RBFOX1: variants seen among roughly 807,000 people sequenced by gnomAD.
The protein encoded by RBFOX1 is RNA binding protein fox-1 homolog 1.
RBFOX1 carries 8 observed loss-of-function variants against 57.7 expected under a neutral mutation model. The ratio of observed to expected loss-of-function variants is 0.14; its 90% CI spans 0.08 to 0.25. The LOEUF is 0.25. Among genes scored for constraint, RBFOX1 ranks in the 10% least tolerant of loss-of-function variants. RBFOX1 has a pLI of 1.00. For missense variants in RBFOX1, 611 were observed against 548.5 expected (o/e 1.11, Z -1.14); for synonymous variants, 326 against 222.4 (o/e 1.47, Z -4.15).
chr16:6,480,535 A>C (rs73524640), intron 2 of RBFOX1, among the ~76,000 whole-genome samples: 3,777 of 152,332 alleles, frequency 0.025, 127 homozygotes, highest in African/African-American at 0.075. Flanking sequence ...TTAAAGTATC[A>C]AAACCATTTT....
chr16:7,111,252 C>A (rs1384523417), intron 4 of RBFOX1, among the ~76,000 whole-genome samples: 1 of 152,156 alleles, frequency 6.6e-6, no homozygotes, highest in Non-Finnish European at 1.5e-5. Flanking sequence ...AATTAACTTA[C>A]ACCGTAAAAG....
At chr16:7,509,294 G>C (rs1342506863) in intron 4 of RBFOX1, among the ~76,000 whole-genome samples, 1 of 152,088 alleles carries the variant, frequency 6.6e-6, no homozygotes, top group East Asian at 1.9e-4. Flanking sequence ...TGACTGTAAG[G>C]TCTATAGGGA....
chr16:6,992,375 G>A (rs556138697), intron 3 of RBFOX1, among the ~76,000 whole-genome samples: 5 of 152,030 alleles, frequency 3.3e-5, no homozygotes, highest in African/African-American at 1.2e-4. Flanking sequence ...CCACCACCAT[G>A]CCCAGCTAAT....
intron 1 of RBFOX1, among the ~76,000 whole-genome samples, chr16:5,455,346 T>G (rs948837818): frequency 1.3e-5 from 2 of 152,090 alleles, no homozygotes; most frequent in African/African-American, 4.8e-5. Context: ...ATATGGCTTT[T>G]TATGATATGG....
intron 3 of RBFOX1, among the ~76,000 whole-genome samples, chr16:6,960,993 AAT>A (rs1468110706): frequency 0.33 from 23,789 of 71,122 alleles, 2,728 homozygotes; most frequent in Non-Finnish European, 0.41. Flanking sequence ...AAAAAAAAAA[AAT>A]TAGCTGGGCA....
At chr16:5,378,404 G>T (rs528743652) in intron 1 of RBFOX1, among the ~76,000 whole-genome samples, 1 of 151,580 alleles carries the variant, frequency 6.6e-6, no homozygotes, top group South Asian at 2.1e-4. Context: ...GCCCGCCCAG[G>T]ATCGGGGAGT....
At chr16:5,871,086 T>C (rs868631210) in intron 4 of RBFOX1, among the ~76,000 whole-genome samples, 2 of 152,182 alleles carry the variant, frequency 1.3e-5, no homozygotes, top group Non-Finnish European at 2.9e-5. Flanking sequence ...CAGCAAGCTG[T>C]TTGTGCCAAT....
At chr16:5,651,166 C>A (rs1383714134) in intron 3 of RBFOX1, among the ~76,000 whole-genome samples, 2 of 148,782 alleles carry the variant, frequency 1.3e-5, no homozygotes, top group Non-Finnish European at 3.0e-5. Flanking sequence ...GATTCTCCTG[C>A]TTCAGCCTCC....
At chr16:5,566,810 A>G (rs934568565) in intron 2 of RBFOX1, among the ~76,000 whole-genome samples, 24 of 152,096 alleles carry the variant, frequency 1.6e-4, no homozygotes, top group Admixed American at 1.4e-3. Context: ...GAGACAATTC[A>G]CCTACAGACA....
Position 7,710,928 on chromosome 16 carries a change from A to G in RBFOX1, c.*183A>G. The G allele has an allele frequency of 1.4e-6, 1 of 710,252 alleles. No individual in the cohort carries two copies. Among genetic ancestry groups the G allele is most frequent in the East Asian group, 3.4e-5 (1 of 29,436 alleles). 44.0% of individuals were successfully genotyped at this position (710,252 alleles called of 1,614,324 possible). On this transcript the variant is annotated 3_prime_UTR_variant, in exon 16 of 16. Transcript: ENST00000550418. ...CAGATATTTTGTTCTGTGTATTTTA[A>G]TATTGTGGGTCTTTAATTTCTGAAG...
At chr16:6,175,473 T>C (rs573299809) in intron 1 of RBFOX1, among the ~76,000 whole-genome samples, 93 of 151,948 alleles carry the variant, frequency 6.1e-4, no homozygotes, top group African/African-American at 2.1e-3. Flanking sequence ...TGGTCCCAGA[T>C]GTGTTTGACC....
At chr16:6,978,393 A>T (rs546466612) in intron 3 of RBFOX1, among the ~76,000 whole-genome samples, 1 of 152,218 alleles carries the variant, frequency 6.6e-6, no homozygotes, top group African/African-American at 2.4e-5. Flanking sequence ...CATGAGGACA[A>T]TGACAGCTAC....
chr16:5,439,237 G>C (rs1373171929), intron 1 of RBFOX1, among the ~76,000 whole-genome samples: 2 of 152,090 alleles, frequency 1.3e-5, no homozygotes, highest in Non-Finnish European at 2.9e-5. Flanking sequence ...TCCAGGAAGG[G>C]ATAGAATCTT....
chr16:6,331,771 T>TTA (rs1555628746), intron 2 of RBFOX1, among the ~76,000 whole-genome samples: 16 of 149,326 alleles, frequency 1.1e-4, no homozygotes, highest in East Asian at 7.9e-4. Context: ...CACCTTTTTT[T>TTA]AAAAAAAAAA....
At chr16:6,008,637 A>G (rs2094941468) in intron 4 of RBFOX1, among the ~76,000 whole-genome samples, 1 of 152,140 alleles carries the variant, frequency 6.6e-6, no homozygotes, top group South Asian at 2.1e-4. Flanking sequence ...GGGGAGTTTG[A>G]AGATGGAGCA....
At chr16:6,148,913 A>T (rs1487675231) in intron 1 of RBFOX1, among the ~76,000 whole-genome samples, 3 of 152,086 alleles carry the variant, frequency 2.0e-5, no homozygotes, top group Non-Finnish European at 4.4e-5. Context: ...GTAATGATTC[A>T]TGTGCCTTGA....
At chr16:6,537,082 T>A (rs1042423506) in intron 2 of RBFOX1, among the ~76,000 whole-genome samples, 1 of 152,180 alleles carries the variant, frequency 6.6e-6, no homozygotes, top group Non-Finnish European at 1.5e-5. Context: ...AAACATGCTC[T>A]AATGAATTTT....
chr16:5,717,969 C>G (rs976888155), intron 3 of RBFOX1, among the ~76,000 whole-genome samples: 1 of 152,060 alleles, frequency 6.6e-6, no homozygotes, highest in African/African-American at 2.4e-5. Flanking sequence ...CTTCACTCTT[C>G]TGGACAATGT....
intron 4 of RBFOX1, among the ~76,000 whole-genome samples, chr16:7,497,203 C>A (rs2068959712): frequency 6.6e-6 from 1 of 152,192 alleles, no homozygotes; most frequent in African/African-American, 2.4e-5. Flanking sequence ...TGATTCTCTT[C>A]CTATGCCCAC....
Sources: gnomAD v4.1 joint callset for allele counts (sites outside exome capture counted in the v4.1 genomes callset) on GRCh38, gnomAD v4.1.1 for gene constraint, MANE v1.5 for transcripts, NCBI Gene and HGNC (gene_info 2026-07-23, HGNC 2026-07-21) for gene names.